Variants in GRXCR1 observed in about 807,000 individuals in gnomAD.
The protein encoded by GRXCR1 is glutaredoxin domain-containing cysteine-rich protein 1.
Under a neutral mutation model 27.3 loss-of-function variants are expected in GRXCR1, and 27 were observed. The ratio of observed to expected loss-of-function variants is 0.99; its 90% CI spans 0.73 to 1.37. The LOEUF is 1.37. Ranked by LOEUF, GRXCR1 falls within the 40% of genes most tolerant of loss-of-function variation. GRXCR1 has a pLI of 0.00. For synonymous variants in GRXCR1, 122 were observed against 131.1 expected (o/e 0.93, Z 0.47); for missense variants, 379 against 354.4 (o/e 1.07, Z -0.56).
At chr4:42,988,962 T>C (rs1711869415) in intron 2 of GRXCR1, among the ~76,000 whole-genome samples, 1 of 152,196 alleles carries the variant, frequency 6.6e-6, no homozygotes, top group African/African-American at 2.4e-5. Flanking sequence ...ATTTTCTGAC[T>C]GGGTGACCTT....
At chr4:43,006,980 G>T (rs1712581048) in intron 2 of GRXCR1, among the ~76,000 whole-genome samples, 1 of 152,174 alleles carries the variant, frequency 6.6e-6, no homozygotes, top group Non-Finnish European at 1.5e-5. Flanking sequence ...ATCTGGGCAG[G>T]TTCCCCGATA....
intron 2 of GRXCR1, among the ~76,000 whole-genome samples, chr4:43,002,846 T>A (rs556452647): frequency 1.3e-5 from 2 of 152,330 alleles, no homozygotes; most frequent in East Asian, 3.9e-4. Flanking sequence ...CTGTATTGAA[T>A]GATGATATGG....
chr4:43,028,674 C>T (rs1401539369), intron 3 of GRXCR1, among the ~76,000 whole-genome samples: 1 of 152,162 alleles, frequency 6.6e-6, no homozygotes, highest in African/African-American at 2.4e-5. Context: ...TTTTAAAGTA[C>T]ACTATTTTTC....
intron 2 of GRXCR1, among the ~76,000 whole-genome samples, chr4:42,985,101 T>C (rs907328673): frequency 9.2e-5 from 14 of 152,200 alleles, no homozygotes; most frequent in Admixed American, 2.0e-4. Context: ...CTCTTTCTTC[T>C]TACTGTCTTC....
chr4:42,898,448 G>A (rs1012847288), intron 1 of GRXCR1, among the ~76,000 whole-genome samples: 1 of 137,690 alleles, frequency 7.3e-6, no homozygotes, highest in Non-Finnish European at 1.7e-5. Flanking sequence ...ACTATCTCAG[G>A]ATGGGTAGTG....
intron 2 of GRXCR1, among the ~76,000 whole-genome samples, chr4:43,002,277 C>T (rs1265321228): frequency 6.6e-6 from 1 of 152,236 alleles, no homozygotes; most frequent in African/African-American, 2.4e-5. Context: ...CAGACTATCA[C>T]ATGGGGAGAA....
At chr4:42,910,523 G>A (rs911270888) in intron 1 of GRXCR1, among the ~76,000 whole-genome samples, 12 of 152,238 alleles carry the variant, frequency 7.9e-5, no homozygotes, top group African/African-American at 2.9e-4. Flanking sequence ...AATGCCCCAT[G>A]GAGGAGTCAG....
rs190251751 is a variant in GRXCR1, at chr4:42,934,714, G to C, written c.385-28178G>C. ...CATGTTTGTATTAAACCTGCTCTGT[G>C]AATAAACTTTGCAATAATAAGGGCC... On this transcript the variant is annotated intron_variant, in intron 1 of 3. Coordinates refer to ENST00000399770, the MANE Select transcript of GRXCR1 (RefSeq NM_001080476.3). 1.1e-4 allele frequency among the ~76,000 whole-genome samples: 16 copies of C among 151,948 alleles called. No homozygotes were observed. In the East Asian group the frequency reaches 2.7e-3, roughly 26 times the overall value.
intron 1 of GRXCR1, among the ~76,000 whole-genome samples, chr4:42,915,470 T>C (rs1401192318): frequency 1.3e-5 from 2 of 152,172 alleles, no homozygotes; most frequent in Non-Finnish European, 2.9e-5. Context: ...CTCTTTTTTT[T>C]CCTCCTTTTT....
At chr4:42,983,508 C>T (rs1195857583) in intron 2 of GRXCR1, among the ~76,000 whole-genome samples, 2 of 151,292 alleles carry the variant, frequency 1.3e-5, no homozygotes, top group Admixed American at 6.6e-5. Context: ...CAGCTTTGTT[C>T]TTTTGGCTTA....
intron 2 of GRXCR1, among the ~76,000 whole-genome samples, chr4:43,012,436 T>G (rs577882402): frequency 6.6e-6 from 1 of 152,200 alleles, no homozygotes; most frequent in South Asian, 2.1e-4. Flanking sequence ...TATTATGACA[T>G]TATCCAAAGA....
chr4:43,020,414 A>C lies in GRXCR1; in HGVS notation c.688A>C (p.Ile230Leu). ...SGELQDILTK[I>L]ERVQHPHECP... Reference sequence around the variant, plus strand: ...AGAACTGCAAGACATCCTAACCAAAATTGAGGTAAATGTGCTTTCAGCAAC... The same window carrying C: ...AGAACTGCAAGACATCCTAACCAAACTTGAGGTAAATGTGCTTTCAGCAAC... The change falls in exon 3 of 4, where the codon ATT (isoleucine) becomes CTT (leucine). Residue 230 changes from isoleucine (I) to leucine (L), a missense_variant. By Grantham distance (5) the Ile-to-Leu change is conservative. Transcript: ENST00000399770. The C allele has an allele frequency of 6.2e-7, 1 of 1,602,588 alleles. No homozygotes were observed. The highest frequency in any genetic ancestry group is 2.2e-5 in the East Asian group (1 of 44,784).
At chr4:43,016,852 C>CT (rs1712948740) in intron 2 of GRXCR1, among the ~76,000 whole-genome samples, 2 of 152,102 alleles carry the variant, frequency 1.3e-5, no homozygotes, top group Admixed American at 1.3e-4. Flanking sequence ...CTTTTCCTAC[C>CT]TTTTTTTATT....
At position 42,898,982 on chromosome 4, in the gene GRXCR1, G is replaced by T. The variant is rs551717159; in HGVS notation, c.384+5332G>T. On this transcript the variant is annotated intron_variant, in intron 1 of 3. Transcript: ENST00000399770. Reference sequence around the variant, plus strand: ...AAGAAAAAGCAGCAAAGATGAGTTGGTACTACTGATATTTATGCACAATTA... The same window carrying T: ...AAGAAAAAGCAGCAAAGATGAGTTGTTACTACTGATATTTATGCACAATTA... Among the ~76,000 whole-genome samples, 8 of 152,192 alleles carry T rather than the reference G, an allele frequency of 5.3e-5. No individual in the cohort carries two copies. The South Asian group carries it at 1.5e-3, about 28-fold the overall frequency.
chr4:42,944,338 G>T (rs1747694539), intron 1 of GRXCR1, among the ~76,000 whole-genome samples: 1 of 152,026 alleles, frequency 6.6e-6, no homozygotes, highest in Non-Finnish European at 1.5e-5. Context: ...GAGAAAAAAA[G>T]AAAAGAAATA....
intron 1 of GRXCR1, among the ~76,000 whole-genome samples, chr4:42,908,885 G>T (rs1746656648): frequency 6.6e-6 from 1 of 152,154 alleles, no homozygotes; most frequent in African/African-American, 2.4e-5. Flanking sequence ...GTGGGAATTG[G>T]CAGTGGTGTG....
At chr4:42,925,308 A>G (rs1192190704) in intron 1 of GRXCR1, among the ~76,000 whole-genome samples, 5 of 152,046 alleles carry the variant, frequency 3.3e-5, no homozygotes, top group Admixed American at 2.0e-4. Flanking sequence ...CAAATTGCCA[A>G]TGGAAGTAGG....
intron 1 of GRXCR1, among the ~76,000 whole-genome samples, chr4:42,946,748 C>T (rs930860292): frequency 1.3e-5 from 2 of 152,104 alleles, no homozygotes; most frequent in Non-Finnish European, 2.9e-5. Context: ...CCTTCATGAC[C>T]TAATCACCTC....
At chr4:43,028,016 G>C (rs1477417900) in intron 3 of GRXCR1, among the ~76,000 whole-genome samples, 1 of 152,066 alleles carries the variant, frequency 6.6e-6, no homozygotes, top group Non-Finnish European at 1.5e-5. Context: ...GGCTGAGGCA[G>C]GAGAATCACT....
Sources: allele counts gnomAD v4.1 joint callset (sites outside exome capture counted in the v4.1 genomes callset), GRCh38; gene constraint gnomAD v4.1.1; transcripts MANE v1.5; gene names NCBI Gene and HGNC (gene_info 2026-07-23, HGNC 2026-07-21).